Variants in SPIDR observed in about 807,000 individuals in gnomAD.
The protein encoded by SPIDR is scaffold protein involved in DNA repair.
Under a neutral mutation model 104.6 loss-of-function variants are expected in SPIDR, and 93 were observed. The observed-to-expected ratio is 0.89, with a 90% CI of 0.75 to 1.06. The LOEUF is 1.06. Ranked by LOEUF, SPIDR falls within the 50% of genes least tolerant of loss-of-function variation. The pLI, the probability that SPIDR is intolerant of heterozygous loss-of-function variation, is 0.00. For synonymous variants in SPIDR, 431 were observed against 416.9 expected (o/e 1.03, Z -0.41); for missense variants, 1,154 against 1,111.2 (o/e 1.04, Z -0.55).
At chr8:47,585,508 C>T (rs922746722) in intron 8 of SPIDR, among the ~76,000 whole-genome samples, 6 of 152,074 alleles carry the variant, frequency 3.9e-5, no homozygotes, top group Non-Finnish European at 5.9e-5. Context: ...CCTTCTTTCT[C>T]CTTTCCCTAC....
At chr8:47,596,606 C>T (rs2061644454) in intron 9 of SPIDR, among the ~76,000 whole-genome samples, 3 of 152,078 alleles carry the variant, frequency 2.0e-5, no homozygotes, top group Admixed American at 2.0e-4. Flanking sequence ...GTGAAGGCCT[C>T]GGACACTACT....
chr8:47,263,525 T>A (rs1353900862), intron 1 of SPIDR, among the ~76,000 whole-genome samples: 1 of 152,204 alleles, frequency 6.6e-6, no homozygotes, highest in Non-Finnish European at 1.5e-5. Flanking sequence ...TTCACCGTGT[T>A]AGCCAGGATG....
rs146376301 is a variant in SPIDR, at chr8:47,620,664, C to A, written c.1544+21468C>A. The stretch of plus-strand genomic sequence containing the variant: ...GACAGAATCTCTCTCTGTCATCAGG[C>A]TGGAGTGCAGTGGCGTGATCTCGGC... On this transcript the variant is annotated intron_variant, in intron 10 of 19. Transcript: ENST00000297423. 1.7e-4 allele frequency among the ~76,000 whole-genome samples: 26 copies of A among 152,156 alleles called. 1 individual carries two copies. The highest frequency in any genetic ancestry group is 6.0e-4 in the African/African-American group (25 of 41,508).
intron 8 of SPIDR, among the ~76,000 whole-genome samples, chr8:47,570,025 A>G (rs1564362127): frequency 6.6e-6 from 1 of 152,238 alleles, no homozygotes; most frequent in East Asian, 1.9e-4. Context: ...TGTAGATTCA[A>G]CATGATTCCT....
At chr8:47,397,831 C>G (rs782359760) in intron 6 of SPIDR, among the ~76,000 whole-genome samples, 1 of 152,152 alleles carries the variant, frequency 6.6e-6, no homozygotes, top group Non-Finnish European at 1.5e-5. Flanking sequence ...GATCCAGCCT[C>G]TAGAGAGGGT....
In SPIDR at chr8:47,549,222, A is replaced by G. The variant is rs369934028; in HGVS notation, c.1098-46589A>G. On this transcript the variant is annotated intron_variant, in intron 8 of 19. Coordinates refer to ENST00000297423, the MANE Select transcript of SPIDR (RefSeq NM_001080394.4). ...CTTTGCTATTGTGAATATTGCTGCA[A>G]TAAACATATGTGTGCATGTGTCTTT... Among the ~76,000 whole-genome samples, 583 of 152,330 alleles carry G rather than the reference A, an allele frequency of 3.8e-3. 3 individuals carry two copies. The highest frequency in any genetic ancestry group is 0.023 in the South Asian group (109 of 4,824).
chr8:47,626,986 C>T (rs1162874435), intron 10 of SPIDR, among the ~76,000 whole-genome samples: 1 of 152,196 alleles, frequency 6.6e-6, no homozygotes, highest in Non-Finnish European at 1.5e-5. Context: ...CAGGAACCAA[C>T]CCATATGTCC....
intron 8 of SPIDR, among the ~76,000 whole-genome samples, chr8:47,485,215 C>A (rs950559819): frequency 2.0e-5 from 3 of 152,208 alleles, no homozygotes; most frequent in Non-Finnish European, 4.4e-5. Flanking sequence ...GTGCAAGGCT[C>A]GGAGGGTCCC....
At chr8:47,436,128 C>T (rs1321509101) in intron 7 of SPIDR, among the ~76,000 whole-genome samples, 1 of 152,146 alleles carries the variant, frequency 6.6e-6, no homozygotes, top group South Asian at 2.1e-4. Flanking sequence ...CTTCGTGGTA[C>T]ATTTGCTGTG....
chr8:47,536,436 G>A (rs528823557), intron 8 of SPIDR, among the ~76,000 whole-genome samples: 53 of 152,140 alleles, frequency 3.5e-4, no homozygotes, highest in Non-Finnish European at 6.8e-4. Flanking sequence ...AGCCAAATAG[G>A]TCAATGGAAC....
chr8:47,488,088 A>C (rs949695530), intron 8 of SPIDR, among the ~76,000 whole-genome samples: 1 of 152,214 alleles, frequency 6.6e-6, no homozygotes, highest in Non-Finnish European at 1.5e-5. Flanking sequence ...GAAAGGATCA[A>C]CAAATTGATA....
intron 10 of SPIDR, among the ~76,000 whole-genome samples, chr8:47,659,873 C>G (rs1312862999): frequency 1.3e-5 from 2 of 152,052 alleles, no homozygotes; most frequent in African/African-American, 4.8e-5. Flanking sequence ...ATGAAACAGC[C>G]GGGCCTGACT....
At chr8:47,620,605 G>GT (rs1444700214) in intron 10 of SPIDR, among the ~76,000 whole-genome samples, 21 of 149,338 alleles carry the variant, frequency 1.4e-4, no homozygotes, top group African/African-American at 5.0e-4. Flanking sequence ...CAATTCATCG[G>GT]TTTTGTTTTT....
chr8:47,509,825 G>A (rs2082037493), intron 8 of SPIDR, among the ~76,000 whole-genome samples: 1 of 152,056 alleles, frequency 6.6e-6, no homozygotes, highest in Admixed American at 6.6e-5. Flanking sequence ...ATGGTGGCAC[G>A]TGGATGTGTG....
At chr8:47,654,592 C>A (rs966204938) in intron 10 of SPIDR, among the ~76,000 whole-genome samples, 1 of 152,196 alleles carries the variant, frequency 6.6e-6, no homozygotes, top group African/African-American at 2.4e-5. Context: ...AATATAGATG[C>A]ACTCATATAA....
intron 8 of SPIDR, among the ~76,000 whole-genome samples, chr8:47,538,723 C>T (rs769394265): frequency 6.6e-6 from 1 of 151,786 alleles, no homozygotes; most frequent in African/African-American, 2.4e-5. Flanking sequence ...GAGAGTAAAC[C>T]AAAGCCTTCA....
intron 8 of SPIDR, among the ~76,000 whole-genome samples, chr8:47,500,532 T>G (rs1285060564): frequency 2.0e-5 from 3 of 152,250 alleles, no homozygotes; most frequent in Admixed American, 6.5e-5. Flanking sequence ...CATTGTAGAT[T>G]CTGGATATTA....
At chr8:47,652,937 A>G (rs1343118075) in intron 10 of SPIDR, among the ~76,000 whole-genome samples, 1 of 152,180 alleles carries the variant, frequency 6.6e-6, no homozygotes, top group Non-Finnish European at 1.5e-5. Context: ...CTGTTGTGCT[A>G]GTAGGCCCAC....
chr8:47,503,579 ACT>A (rs1020110041), intron 8 of SPIDR, among the ~76,000 whole-genome samples: 1 of 151,284 alleles, frequency 6.6e-6, no homozygotes, highest in Non-Finnish European at 1.5e-5. Flanking sequence ...ATGGGTCTCG[ACT>A]CTATCCAATT....
Sources: allele counts gnomAD v4.1 joint callset (sites outside exome capture counted in the v4.1 genomes callset), GRCh38; gene constraint gnomAD v4.1.1; transcripts MANE v1.5; gene names NCBI Gene and HGNC (gene_info 2026-07-23, HGNC 2026-07-21).